HECW1: variants seen among roughly 807,000 people sequenced by gnomAD.
HECW1 encodes the protein HECT, C2 and WW domain containing E3 ubiquitin protein ligase 1.
In HECW1, 61 loss-of-function variants were observed where a neutral mutation model predicts 182.3. The ratio of observed to expected loss-of-function variants is 0.33; its 90% CI spans 0.27 to 0.41. HECW1 has a LOEUF of 0.41. Among genes scored for constraint, HECW1 ranks in the 10% least tolerant of loss-of-function variants. The pLI is 1.00. For missense variants in HECW1, 1,739 were observed against 2,108.9 expected (o/e 0.82, Z 3.44); for synonymous variants, 859 against 832.6 (o/e 1.03, Z -0.55).
intron 29 of HECW1, 79 bp downstream of exon 29, chr7:43,554,869 ATCCTTTGGGATGGAATTCTT>A: frequency 7.7e-7 from 1 of 1,304,772 alleles, no homozygotes; most frequent in Non-Finnish European, 1.1e-6. Context: ...TTGAGTGACC[ATCCTTTGGGATGGAATTCTT>A]TCCTGTCACC....
At chr7:43,427,966 C>T (rs1375112620) in intron 8 of HECW1, among the ~76,000 whole-genome samples, 2 of 152,208 alleles carry the variant, frequency 1.3e-5, no homozygotes, top group African/African-American at 4.8e-5. Context: ...TCCCCTTCGA[C>T]TGATTAATTC....
At chr7:43,150,088 C>T (rs1789135711) in intron 2 of HECW1, among the ~76,000 whole-genome samples, 1 of 152,154 alleles carries the variant, frequency 6.6e-6, no homozygotes, top group Non-Finnish European at 1.5e-5. Flanking sequence ...ATTGTACTTA[C>T]TGCAAATCAG....
At chr7:43,351,111 C>G (rs961874808) in intron 5 of HECW1, among the ~76,000 whole-genome samples, 1 of 152,164 alleles carries the variant, frequency 6.6e-6, no homozygotes, top group African/African-American at 2.4e-5. Context: ...TCCTGTGAGC[C>G]AAACTGCAGT....
At chr7:43,282,157 G>A (rs1268261929) in intron 3 of HECW1, among the ~76,000 whole-genome samples, 1 of 152,210 alleles carries the variant, frequency 6.6e-6, no homozygotes, top group African/African-American at 2.4e-5. Context: ...CACTGAATGT[G>A]CCTCTTACGG....
chr7:43,425,903 G>A (rs573330106), intron 8 of HECW1, among the ~76,000 whole-genome samples: 9 of 152,238 alleles, frequency 5.9e-5, no homozygotes, highest in South Asian at 2.1e-4. Context: ...TCAAGCCACC[G>A]CAGAGAAGAG....
chr7:43,226,958 G>A (rs13243213), intron 2 of HECW1, among the ~76,000 whole-genome samples: 63,363 of 152,012 alleles, frequency 0.42, 13,553 homozygotes, highest in Middle Eastern at 0.49. Flanking sequence ...CTGTCACAAC[G>A]TCATGAAAAC....
intron 5 of HECW1, among the ~76,000 whole-genome samples, chr7:43,327,197 G>T (rs1810907200): frequency 6.6e-6 from 1 of 152,164 alleles, no homozygotes; most frequent in South Asian, 2.1e-4. Flanking sequence ...CCCCACCTGT[G>T]CAACGTAAAG....
chr7:43,137,618 C>T (rs1372484683), intron 2 of HECW1, among the ~76,000 whole-genome samples: 16 of 151,782 alleles, frequency 1.1e-4, no homozygotes, highest in East Asian at 1.9e-4. Context: ...GGTACAATCA[C>T]GGCTCACTGC....
At chr7:43,142,932 G>T (rs956232110) in intron 2 of HECW1, among the ~76,000 whole-genome samples, 13 of 152,320 alleles carry the variant, frequency 8.5e-5, no homozygotes, top group African/African-American at 2.9e-4. Flanking sequence ...GGCTCAGAGT[G>T]GTGGGTGCTG....
Position 43,469,082 on chromosome 7 carries a change from A to G in HECW1, c.3076A>G (p.Ile1026Val), listed in dbSNP as rs2077907979. ...TRLELPRGWEIKTDQQGKSFF... is the reference protein window; with the variant it reads ...TRLELPRGWEVKTDQQGKSFF... ...GCTGGAACTGCCCCGGGGCTGGGAG[A>G]TCAAAACGGACCAGCAGGGAAAGGT... The change falls in exon 16 of 30, where the codon ATC (isoleucine) becomes GTC (valine). Residue 1026 changes from isoleucine to valine, a missense_variant. Physicochemically the swap from Ile to Val is conservative, Grantham distance 29. This residue lies in a region of HECW1 where 971 missense variants were observed against 1,029.1 expected (regional missense o/e 0.94). Transcript: ENST00000395891. 2 of 1,614,062 alleles carry G rather than the reference A, an allele frequency of 1.2e-6. No homozygotes were observed. Among genetic ancestry groups the G allele is most frequent in the Non-Finnish European group, 1.7e-6 (2 of 1,180,022 alleles).
intron 2 of HECW1, among the ~76,000 whole-genome samples, chr7:43,165,565 A>G (rs1791026762): frequency 6.6e-6 from 1 of 151,910 alleles, no homozygotes; most frequent in Non-Finnish European, 1.5e-5. Flanking sequence ...GAGTGATTTT[A>G]TTTTTGCTTT....
Position 43,268,967 on chromosome 7 carries a change from A to G in HECW1, c.27+25035A>G, listed in dbSNP as rs548040407. On this transcript the variant is annotated intron_variant, in intron 3 of 29. Coordinates refer to ENST00000395891, the MANE Select transcript of HECW1 (RefSeq NM_015052.5). ...TTTTTCTATTTTCTATTTTTTGTAG[A>G]GATGGGGTCTTGGTATGTTGCCTAG... Among the ~76,000 whole-genome samples the G allele has an allele frequency of 2.0e-5, 3 of 152,096 alleles. No individual in the cohort carries two copies. In the South Asian group the frequency reaches 6.2e-4, roughly 32 times the overall value.
chr7:43,264,175 T>C (rs1801488233), intron 3 of HECW1, among the ~76,000 whole-genome samples: 1 of 152,210 alleles, frequency 6.6e-6, no homozygotes, highest in Non-Finnish European at 1.5e-5. Context: ...TACTTCGCAA[T>C]AGATCTCTAA....
chr7:43,140,967 C>T (rs142261444), intron 2 of HECW1, among the ~76,000 whole-genome samples: 2 of 152,312 alleles, frequency 1.3e-5, no homozygotes, highest in African/African-American at 2.4e-5. Context: ...CCTATTGGAT[C>T]AGAGCCCTGC....
At chr7:43,507,428 C>A (rs2079630342) in intron 22 of HECW1, among the ~76,000 whole-genome samples, 171 bp downstream of exon 22, 1 of 151,772 alleles carries the variant, frequency 6.6e-6, no homozygotes. Flanking sequence ...GAGGAAAGGA[C>A]ATTAAGAAAT....
At chr7:43,394,095 C>A (rs1033162582) in intron 6 of HECW1, among the ~76,000 whole-genome samples, 12 of 152,148 alleles carry the variant, frequency 7.9e-5, no homozygotes, top group African/African-American at 9.7e-5. Context: ...TGCAGTATAG[C>A]ACTGTGAGGA....
intron 2 of HECW1, among the ~76,000 whole-genome samples, chr7:43,228,935 T>C (rs552667312): frequency 2.0e-5 from 3 of 152,324 alleles, no homozygotes; most frequent in South Asian, 2.1e-4. Context: ...ATCTACCAAA[T>C]TGGTTAACAG....
chr7:43,407,654 C>G lies in HECW1; in HGVS notation c.724C>G (p.Pro242Ala). 1 of 1,613,976 alleles carries G rather than the reference C, an allele frequency of 6.2e-7. No individual in the cohort carries two copies. Among genetic ancestry groups the G allele is most frequent in the Non-Finnish European group, 8.5e-7 (1 of 1,179,890 alleles). ...SIQPGKHSIF[P>A]ALPHHGQERR... The stretch of plus-strand genomic sequence containing the variant: ...TCAGCCTGGGAAACACAGCATCTTC[C>G]CCGCCCTCCCTCACCATGGACAGGA... Residue 242 changes from proline to alanine, a missense_variant, in exon 8 of 30, where the codon CCC (proline) becomes GCC (alanine). Around this residue, in one of 5 missense-constraint regions of HECW1, gnomAD observed 279 missense variants for 353.1 expected, o/e 0.79. Transcript: ENST00000395891.
chr7:43,273,630 G>A (rs1802699835), intron 3 of HECW1, among the ~76,000 whole-genome samples: 1 of 151,964 alleles, frequency 6.6e-6, no homozygotes, highest in Non-Finnish European at 1.5e-5. Context: ...AGAAAATATG[G>A]ATAAATAAGT....
Sources: allele counts gnomAD v4.1 joint callset (sites outside exome capture counted in the v4.1 genomes callset), GRCh38; gene constraint gnomAD v4.1.1; regional missense constraint gnomAD v4.1.1; transcripts MANE v1.5; gene names NCBI Gene and HGNC (gene_info 2026-07-23, HGNC 2026-07-21).